Variants in LRRTM4 observed in about 807,000 individuals in gnomAD.
LRRTM4 encodes leucine-rich repeat transmembrane neuronal protein 4.
LRRTM4 carries 25 observed loss-of-function variants against 47.6 expected under a neutral mutation model. The observed-to-expected ratio is 0.53, with a 90% CI of 0.38 to 0.73. LRRTM4 has a LOEUF of 0.73. LRRTM4 is among the 30% of genes least tolerant of loss of function. LRRTM4 has a pLI of 0.00. For synonymous variants in LRRTM4, 311 were observed against 269.5 expected (o/e 1.15, Z -1.51); for missense variants, 638 against 713.4 (o/e 0.89, Z 1.20).
chr2:76,923,011 C>G (rs985798716), intron 3 of LRRTM4, among the ~76,000 whole-genome samples: 16 of 152,094 alleles, frequency 1.1e-4, no homozygotes, highest in Non-Finnish European at 1.3e-4. Context: ...GGGGCAAACA[C>G]AATAGAGTTA....
intron 3 of LRRTM4, among the ~76,000 whole-genome samples, chr2:76,822,758 G>A (rs1231683892): frequency 6.6e-6 from 1 of 151,428 alleles, no homozygotes; most frequent in African/African-American, 2.4e-5. Context: ...AAAGGAGGTT[G>A]TACCTCTAAG....
intron 3 of LRRTM4, among the ~76,000 whole-genome samples, chr2:76,920,653 G>C (rs17013338): frequency 5.3e-5 from 8 of 151,834 alleles, no homozygotes; most frequent in Admixed American, 5.3e-4. Context: ...TGGTTTAGAG[G>C]TGTTTTCCTG....
At chr2:76,862,730 C>G (rs1202070608) in intron 3 of LRRTM4, among the ~76,000 whole-genome samples, 1 of 152,176 alleles carries the variant, frequency 6.6e-6, no homozygotes, top group South Asian at 2.1e-4. Flanking sequence ...CTCTGTTAAA[C>G]TGGATTTTGT....
At chr2:77,423,884 A>G (rs1000557639) in intron 3 of LRRTM4, among the ~76,000 whole-genome samples, 7 of 152,202 alleles carry the variant, frequency 4.6e-5, no homozygotes, top group South Asian at 2.1e-4. Flanking sequence ...CAAAGTGCAA[A>G]TGACAACCAG....
Position 77,270,372 on chromosome 2 carries a change from T to A in LRRTM4, c.1551+247946A>T, listed in dbSNP as rs182961513. On this transcript the variant is annotated intron_variant, in intron 3 of 3. Transcript: ENST00000409884. Reference sequence around the variant, plus strand: ...TAAAAGGAGATTATTTATATTGGGATCTCTCTATGATGACTCGTGTGAAAA... The same window carrying A: ...TAAAAGGAGATTATTTATATTGGGAACTCTCTATGATGACTCGTGTGAAAA... Among the ~76,000 whole-genome samples, 35 of 152,270 alleles carry A rather than the reference T, an allele frequency of 2.3e-4. No homozygotes were observed. The East Asian group carries it at 6.6e-3, about 29-fold the overall frequency.
At chr2:76,995,981 A>C (rs1677187658) in intron 3 of LRRTM4, among the ~76,000 whole-genome samples, 1 of 152,116 alleles carries the variant, frequency 6.6e-6, no homozygotes, top group Admixed American at 6.6e-5. Context: ...TATGCAGATA[A>C]TGTAGTATTT....
chr2:77,271,005 C>A (rs942942962), intron 3 of LRRTM4, among the ~76,000 whole-genome samples: 20 of 152,174 alleles, frequency 1.3e-4, no homozygotes, highest in South Asian at 4.1e-4. Context: ...GGAGAGACAG[C>A]CTGATTTCAG....
chr2:77,207,349 G>GTGTATA lies in LRRTM4; in HGVS notation c.1551+310968_1551+310969insTATACA, dbSNP rs375773430. On this transcript the variant is annotated intron_variant, in intron 3 of 3. Coordinates refer to ENST00000409884, the MANE Select transcript of LRRTM4 (RefSeq NM_001134745.3). ...ATGTTTTTCCTAATTTCATATATGT[G>GTGTATA]TATATATATATATATATATATATAC... Among the ~76,000 whole-genome samples, 59 of 120,836 alleles carry GTGTATA rather than the reference G, an allele frequency of 4.9e-4. 1 individual carries two copies. The South Asian group carries it at 5.4e-3, about 11-fold the overall frequency. The allele number at this position is 120,836 out of a possible 152,430, so 79.3% of individuals were successfully genotyped here. A position where few individuals can be genotyped will look rare whatever the true frequency, so the allele number is the denominator to read the frequency against.
At chr2:76,816,819 GTTTTT>G (rs201525166) in intron 3 of LRRTM4, among the ~76,000 whole-genome samples, 3 of 96,514 alleles carry the variant, frequency 3.1e-5, no homozygotes, top group Admixed American at 1.0e-4. Context: ...GAGGTAAAGA[GTTTTT>G]TTTTTTTTTT....
At chr2:77,156,064 T>A (rs1176783) in intron 3 of LRRTM4, among the ~76,000 whole-genome samples, 134,904 of 152,058 alleles carry the variant, frequency 0.89, 60,196 homozygotes, top group East Asian at 1. Flanking sequence ...AAGAGAAAGA[T>A]ATAGAAACCC....
chr2:77,004,255 C>G (rs534074914), intron 3 of LRRTM4, among the ~76,000 whole-genome samples: 1 of 152,290 alleles, frequency 6.6e-6, no homozygotes, highest in East Asian at 1.9e-4. Flanking sequence ...TAAGCTCAGA[C>G]GCCTAGGAGG....
At chr2:77,200,912 A>G (rs1297100877) in intron 3 of LRRTM4, among the ~76,000 whole-genome samples, 1 of 152,148 alleles carries the variant, frequency 6.6e-6, no homozygotes, top group Non-Finnish European at 1.5e-5. Flanking sequence ...TCCACCTGCC[A>G]CAACTGCCTA....
intron 3 of LRRTM4, among the ~76,000 whole-genome samples, chr2:77,245,947 A>G (rs1675434546): frequency 6.6e-6 from 1 of 152,206 alleles, no homozygotes; most frequent in Non-Finnish European, 1.5e-5. Flanking sequence ...CCAAGAATCT[A>G]CATTAGTCAA....
chr2:77,256,383 GAAGAA>G (rs977447798), intron 3 of LRRTM4, among the ~76,000 whole-genome samples: 3 of 152,070 alleles, frequency 2.0e-5, no homozygotes, highest in African/African-American at 4.8e-5. Context: ...TAAAAAAACA[GAAGAA>G]AAGAGAAGAC....
At chr2:76,770,895 C>A (rs1573072978) in intron 3 of LRRTM4, among the ~76,000 whole-genome samples, 1 of 152,144 alleles carries the variant, frequency 6.6e-6, no homozygotes, top group East Asian at 1.9e-4. Context: ...GCTACATGTT[C>A]CAAGAGTTCA....
chr2:77,010,158 C>T (rs1020248577), intron 3 of LRRTM4, among the ~76,000 whole-genome samples: 1 of 151,942 alleles, frequency 6.6e-6, no homozygotes, highest in African/African-American at 2.4e-5. Flanking sequence ...TTAAAATTTA[C>T]TCTCTAAGCA....
intron 3 of LRRTM4, among the ~76,000 whole-genome samples, chr2:76,779,017 T>C (rs1194684313): frequency 5.1e-5 from 7 of 136,080 alleles, no homozygotes; most frequent in African/African-American, 2.1e-4. Flanking sequence ...TTTCGTTATG[T>C]ACCCAGTAGT....
chr2:77,253,807 G>A (rs910530005), intron 3 of LRRTM4, among the ~76,000 whole-genome samples: 1 of 148,426 alleles, frequency 6.7e-6, no homozygotes, highest in African/African-American at 2.6e-5. Flanking sequence ...AAAATTTTAT[G>A]CAATCTGAAC....
At chr2:77,034,508 TCTCC>T (rs879515818) in intron 3 of LRRTM4, among the ~76,000 whole-genome samples, 24 of 151,978 alleles carry the variant, frequency 1.6e-4, no homozygotes, top group Non-Finnish European at 2.1e-4. Flanking sequence ...GCAGATTTTC[TCTCC>T]GTCTTCTATT....
Sources: gnomAD v4.1 joint callset for allele counts (sites outside exome capture counted in the v4.1 genomes callset) on GRCh38, gnomAD v4.1.1 for gene constraint, MANE v1.5 for transcripts, NCBI Gene and HGNC (gene_info 2026-07-23, HGNC 2026-07-21) for gene names.